The following CEP128 variants were observed in gnomAD, a reference collection of about 807,000 sequenced individuals.
The protein encoded by CEP128 is centrosomal protein 128kDa.
Under a neutral mutation model 156.7 loss-of-function variants are expected in CEP128, and 132 were observed. The ratio of observed to expected loss-of-function variants is 0.84; its 90% confidence interval spans 0.73 to 0.97. The LOEUF is 0.97. Among genes scored for constraint, CEP128 ranks in the 50% least tolerant of loss-of-function variants. The probability of loss-of-function intolerance (pLI) is 0.00; values close to 1 mark genes in which losing one functional copy is unlikely to be tolerated. For missense variants in CEP128, 1,252 were observed against 1,281.9 expected (o/e 0.98, Z 0.36); for synonymous variants, 469 against 448.9 (o/e 1.04, Z -0.57).
intron 2 of CEP128, among the ~76,000 whole-genome samples, chr14:80,936,853 T>C (rs1463357589): frequency 1.3e-5 from 2 of 152,108 alleles, no homozygotes; most frequent in Admixed American, 1.3e-4. Context: ...TTTATACAGA[T>C]GAAAAAACCT....
At chr14:80,692,029 T>C (rs1049285399) in intron 19 of CEP128, among the ~76,000 whole-genome samples, 3 of 152,082 alleles carry the variant, frequency 2.0e-5, no homozygotes, top group African/African-American at 7.2e-5. Context: ...CTCCCAAAAA[T>C]TGTTATACCT....
At chr14:80,807,581 G>T (rs576214009) in intron 13 of CEP128, among the ~76,000 whole-genome samples, 1 of 152,192 alleles carries the variant, frequency 6.6e-6, no homozygotes. Context: ...ACAGAAAAAG[G>T]GTAAGTGAGA....
At chr14:80,571,501 A>G (rs746290282) in intron 20 of CEP128, among the ~76,000 whole-genome samples, 2 of 152,218 alleles carry the variant, frequency 1.3e-5, no homozygotes, top group Admixed American at 1.3e-4. Flanking sequence ...AGAATAGTAC[A>G]TGTAATGCAG....
chr14:80,544,200 T>C (rs982062578), intron 21 of CEP128, among the ~76,000 whole-genome samples: 5 of 152,204 alleles, frequency 3.3e-5, no homozygotes, highest in Non-Finnish European at 7.3e-5. Context: ...ACGTGTATAC[T>C]ATATCATAAT....
intron 4 of CEP128, among the ~76,000 whole-genome samples, chr14:80,909,780 T>C (rs1428487670): frequency 1.3e-5 from 2 of 152,164 alleles, no homozygotes. Context: ...GGAGCCAATT[T>C]GATAACTCCT....
intron 8 of CEP128, among the ~76,000 whole-genome samples, chr14:80,893,401 T>C (rs1453521710): frequency 6.6e-6 from 1 of 151,524 alleles, no homozygotes; most frequent in Non-Finnish European, 1.5e-5. Context: ...GATGAACAAG[T>C]CTAGAGATCT....
chr14:80,788,310 T>TC lies in CEP128; in HGVS notation c.1561-2766dup, dbSNP rs1555347627. The stretch of plus-strand genomic sequence containing the variant: ...GATCTTTTTTTTTTTTTTTTTTTTT[T>TC]CTGTTTCCTGACTCCCTCTTGTGCT... On this transcript the variant is annotated intron_variant, in intron 14 of 24. Transcript: ENST00000555265. 3.8e-3 allele frequency among the ~76,000 whole-genome samples: 564 copies of TC among 149,526 alleles called. 5 individuals are homozygous for TC. Among genetic ancestry groups the TC allele is most frequent in the African/African-American group, 0.013 (545 of 40,500 alleles).
chr14:80,932,401 A>G (rs1885518756), intron 2 of CEP128, among the ~76,000 whole-genome samples: 1 of 152,224 alleles, frequency 6.6e-6, no homozygotes, highest in Admixed American at 6.5e-5. Context: ...GAGATTGCAA[A>G]TGACTCTGGC....
chr14:80,927,189 C>G (rs777016772), intron 2 of CEP128, among the ~76,000 whole-genome samples: 7 of 152,168 alleles, frequency 4.6e-5, no homozygotes, highest in African/African-American at 7.2e-5. Flanking sequence ...GCAGACACCC[C>G]GTCGGACAAA....
chr14:80,955,719 CGACCTGCCCAGG>C, intron 2 of CEP128: 1 of 1,614,128 alleles, frequency 6.2e-7, no homozygotes, highest in East Asian at 2.2e-5. Flanking sequence ...TGCTGCTGCT[CGACCTGCCCAGG>C]GACCTGGGCG....
chr14:80,836,261 G>A lies in CEP128; in HGVS notation c.1001C>T (p.Ser334Phe), dbSNP rs1378764762. 7.4e-6 allele frequency: 12 copies of A among 1,613,868 alleles called. No individual in the cohort carries two copies. In the East Asian group the frequency reaches 2.7e-4, roughly 36 times the overall value. ...ATCCTGATAGTTTGACTGTTGCTTG[G>A]AAATCTGAGATACTTGATGCTGTAA... The part of the protein sequence containing the change: ...KGLQHQVSQI[S>F]KQQSNYQDEQ... The change falls in exon 12 of 25, where the codon TCC becomes TTC. Residue 334 changes from serine (S) to phenylalanine (F), a missense_variant. By Grantham distance (155) the Ser-to-Phe change is radical (BLOSUM62 -2). Transcript: ENST00000555265.
chr14:80,938,852 T>C (rs1164750710), intron 2 of CEP128, among the ~76,000 whole-genome samples: 1 of 152,230 alleles, frequency 6.6e-6, no homozygotes, highest in Non-Finnish European at 1.5e-5. Context: ...AACTGCACAC[T>C]GTGCCATATA....
chr14:80,605,024 C>T (rs1892723640), intron 19 of CEP128, among the ~76,000 whole-genome samples: 1 of 152,090 alleles, frequency 6.6e-6, no homozygotes, highest in African/African-American at 2.4e-5. Context: ...TGGTGAAAAA[C>T]TATCAGAATG....
intron 21 of CEP128, among the ~76,000 whole-genome samples, chr14:80,542,792 T>C (rs1889822291): frequency 6.6e-6 from 1 of 152,178 alleles, no homozygotes; most frequent in Admixed American, 6.6e-5. Context: ...TCTTCCATAT[T>C]TAACCTGGAG....
At chr14:80,655,173 C>A (rs748500497) in intron 19 of CEP128, among the ~76,000 whole-genome samples, 1 of 152,096 alleles carries the variant, frequency 6.6e-6, no homozygotes, top group Non-Finnish European at 1.5e-5. Flanking sequence ...CAAACCCAGG[C>A]AGTGGAATGG....
At chr14:80,595,370 T>C (rs1166867426) in intron 19 of CEP128, among the ~76,000 whole-genome samples, 3 of 152,090 alleles carry the variant, frequency 2.0e-5, no homozygotes, top group Non-Finnish European at 2.9e-5. Context: ...ATAACTAATG[T>C]AGATGATGGG....
At chr14:80,595,366 A>G (rs1892269153) in intron 19 of CEP128, among the ~76,000 whole-genome samples, 1 of 152,144 alleles carries the variant, frequency 6.6e-6, no homozygotes, top group South Asian at 2.1e-4. Context: ...AGAAATAACT[A>G]ATGTAGATGA....
chr14:80,597,806 A>T (rs1021602149), intron 19 of CEP128, among the ~76,000 whole-genome samples: 4 of 151,938 alleles, frequency 2.6e-5, no homozygotes, highest in Non-Finnish European at 4.4e-5. Context: ...AAATCAATGT[A>T]ATCCATTATC....
At chr14:80,930,031 G>A (rs1388684706) in intron 2 of CEP128, among the ~76,000 whole-genome samples, 1 of 152,166 alleles carries the variant, frequency 6.6e-6, no homozygotes, top group African/African-American at 2.4e-5. Context: ...GATCAGCGGT[G>A]GCATTAGATT....
Sources: gnomAD v4.1 joint callset for allele counts (sites outside exome capture counted in the v4.1 genomes callset) on GRCh38, gnomAD v4.1.1 for gene constraint, MANE v1.5 for transcripts, NCBI Gene and HGNC (gene_info 2026-07-23, HGNC 2026-07-21) for gene names.